TSHZ2: variants seen among roughly 807,000 people sequenced by gnomAD.
TSHZ2 encodes teashirt zinc finger homeobox 2, also known as teashirt homolog 2.
In TSHZ2, 21 loss-of-function variants were observed where a neutral mutation model predicts 74.4. The observed-to-expected ratio is 0.28, with a 90% CI of 0.20 to 0.41. The LOEUF (loss-of-function observed/expected upper bound fraction) is 0.41, where lower values mean the gene tolerates loss of function less well. Ranked by LOEUF, TSHZ2 falls within the 10% of genes least tolerant of loss-of-function variation. The probability of loss-of-function intolerance (pLI) is 1.00; values close to 1 mark genes in which losing one functional copy is unlikely to be tolerated. For synonymous variants in TSHZ2, 540 were observed against 515.3 expected, an observed-to-expected ratio of 1.05 and a Z score of -0.65; for missense variants, 1,244 against 1,293.5, an observed-to-expected ratio of 0.96 and a Z score of 0.59.
At chr20:53,397,131 T>G (rs917011498) in intron 2 of TSHZ2, among the ~76,000 whole-genome samples, 14 of 152,260 alleles carry the variant, frequency 9.2e-5, no homozygotes, top group Admixed American at 8.5e-4. Context: ...AAATGGGATC[T>G]AATTAAACTA....
chr20:53,124,488 C>G (rs1986893745), intron 1 of TSHZ2, among the ~76,000 whole-genome samples: 1 of 152,202 alleles, frequency 6.6e-6, no homozygotes, highest in Admixed American at 6.5e-5. Context: ...TTTTGAAGAG[C>G]TAAATGCAAA....
intron 1 of TSHZ2, among the ~76,000 whole-genome samples, chr20:53,195,040 G>A (rs1988828285): frequency 6.6e-6 from 1 of 152,264 alleles, no homozygotes; most frequent in East Asian, 1.9e-4. Flanking sequence ...CTTCGGGAAG[G>A]TGGGGATTGG....
At chr20:53,311,417 A>G (rs138495900) in intron 2 of TSHZ2, among the ~76,000 whole-genome samples, 1 of 152,386 alleles carries the variant, frequency 6.6e-6, no homozygotes, top group African/African-American at 2.4e-5. Flanking sequence ...TAAAGCATCT[A>G]GCCTCCAGAG....
At chr20:53,050,250 T>C (rs1984413233) in intron 1 of TSHZ2, among the ~76,000 whole-genome samples, 1 of 150,438 alleles carries the variant, frequency 6.6e-6, no homozygotes, top group Non-Finnish European at 1.5e-5. Flanking sequence ...AAAAAGTGTT[T>C]TGTGATTGGT....
At chr20:53,229,784 AGGAG>A (rs1302378835) in intron 1 of TSHZ2, among the ~76,000 whole-genome samples, 5 of 141,130 alleles carry the variant, frequency 3.5e-5, no homozygotes, top group South Asian at 2.6e-4. Context: ...GGAGAGAGGG[AGGAG>A]GGAGGGAGGG....
intron 1 of TSHZ2, 135 bp downstream of exon 1, chr20:52,973,468 C>A: frequency 8.7e-7 from 1 of 1,145,938 alleles, no homozygotes; most frequent in Non-Finnish European, 1.2e-6. Context: ...TTCTAATAAC[C>A]CCGTCCTCTC....
Position 53,028,596 on chromosome 20 carries a change from C to T in TSHZ2, c.40+55263C>T, listed in dbSNP as rs117945665. On this transcript the variant is annotated intron_variant, in intron 1 of 2. Transcript: ENST00000371497. ...TTGGTTAGTCACTTTCATTCAATGT[C>T]ATGCTTTTTGGCGGAGGTGGTGCCT... Among the ~76,000 whole-genome samples, 171 of 152,304 alleles carry T rather than the reference C, an allele frequency of 1.1e-3. 3 individuals carry two copies. In the East Asian group the frequency reaches 0.031, roughly 28 times the overall value.
chr20:53,111,653 A>C (rs141348570), intron 1 of TSHZ2, among the ~76,000 whole-genome samples: 313 of 152,292 alleles, frequency 2.1e-3, no homozygotes, highest in Non-Finnish European at 3.4e-3. Context: ...CAGTGACTCC[A>C]CCAGGGTTGA....
chr20:53,132,641 CCT>C (rs1362773596), intron 1 of TSHZ2, among the ~76,000 whole-genome samples: 3 of 151,850 alleles, frequency 2.0e-5, no homozygotes, highest in African/African-American at 4.8e-5. Flanking sequence ...CAAAGGTCCC[CCT>C]CTCTTTCTCT....
At chr20:53,370,930 GA>G (rs1202228355) in intron 2 of TSHZ2, among the ~76,000 whole-genome samples, 1 of 152,190 alleles carries the variant, frequency 6.6e-6, no homozygotes, top group Non-Finnish European at 1.5e-5. Context: ...CTGGAGGTTG[GA>G]AATCAAGGTG....
In TSHZ2 at chr20:53,433,584, GACACACACACACACACAC is replaced by G. The variant is rs59162370; in HGVS notation, c.*9-53538_*9-53521del. 1.6e-4 allele frequency among the ~76,000 whole-genome samples: 22 copies of G among 137,158 alleles called. No homozygotes were observed. The South Asian group carries it at 4.3e-3, about 27-fold the overall frequency. The allele number at this position is 137,158 out of a possible 152,430, so 90.0% of individuals were successfully genotyped here. ...ACCAACACAGACACACAGACACACAGACACACACACACACACACACACACACACACACACACACAGAAT... is the reference window on the plus strand; with the variant it reads ...ACCAACACAGACACACAGACACACAGACACACACACACACACACACAGAAT... On this transcript the variant is annotated intron_variant, in intron 2 of 2. Transcript: ENST00000371497.
At chr20:53,003,153 G>A (rs928864109) in intron 1 of TSHZ2, among the ~76,000 whole-genome samples, 1 of 152,020 alleles carries the variant, frequency 6.6e-6, no homozygotes, top group African/African-American at 2.4e-5. Context: ...ATGAAATTTA[G>A]TTCACCGTCC....
At chr20:53,022,256 T>A (rs1222932012) in intron 1 of TSHZ2, among the ~76,000 whole-genome samples, 2 of 152,094 alleles carry the variant, frequency 1.3e-5, no homozygotes, top group Non-Finnish European at 2.9e-5. Flanking sequence ...TATCGTGGAG[T>A]CCCTTACATA....
At position 53,182,684 on chromosome 20, in the gene TSHZ2, T is replaced by G. The variant is rs112222978; in HGVS notation, c.41-70815T>G. 9.8e-4 allele frequency among the ~76,000 whole-genome samples: 150 copies of G among 152,334 alleles called. 1 individual carries two copies. Among genetic ancestry groups the G allele is most frequent in the African/African-American group, 2.6e-3 (107 of 41,580 alleles). On this transcript the variant is annotated intron_variant, in intron 1 of 2. Coordinates refer to ENST00000371497, the MANE Select transcript of TSHZ2 (RefSeq NM_173485.6). ...CTCTCTTTCCCTTTGATAAACGTGC[T>G]CAGAGTAAAAAACAACCAACTACCA... is the stretch of plus-strand genomic sequence containing the variant.
intron 2 of TSHZ2, among the ~76,000 whole-genome samples, chr20:53,337,782 A>C (rs573630542): frequency 6.6e-6 from 1 of 152,362 alleles, no homozygotes; most frequent in East Asian, 1.9e-4. Flanking sequence ...GTAGGGCTAT[A>C]AAATGCCTTT....
At chr20:53,354,870 T>C (rs1478352200) in intron 2 of TSHZ2, among the ~76,000 whole-genome samples, 2 of 152,234 alleles carry the variant, frequency 1.3e-5, no homozygotes, top group Non-Finnish European at 2.9e-5. Context: ...GACCTTTTCC[T>C]CAAGTCTTAC....
intron 2 of TSHZ2, among the ~76,000 whole-genome samples, chr20:53,468,970 C>T (rs550168694): frequency 8.4e-4 from 122 of 144,862 alleles, no homozygotes; most frequent in Non-Finnish European, 1.1e-3. Flanking sequence ...TGAATGGTCT[C>T]ATCAGTACAG....
At chr20:53,025,977 G>T (rs1051009718) in intron 1 of TSHZ2, among the ~76,000 whole-genome samples, 9 of 152,198 alleles carry the variant, frequency 5.9e-5, no homozygotes, top group Non-Finnish European at 1.3e-4. Flanking sequence ...CGTTAGGATT[G>T]CAGGAGGCTG....
intron 1 of TSHZ2, among the ~76,000 whole-genome samples, chr20:53,038,016 T>C (rs1240886808): frequency 6.6e-6 from 1 of 151,786 alleles, no homozygotes; most frequent in Non-Finnish European, 1.5e-5. Context: ...GCTCCAAGCT[T>C]GGACAGCGTG....
Sources: allele counts gnomAD v4.1 joint callset (sites outside exome capture counted in the v4.1 genomes callset), GRCh38; gene constraint gnomAD v4.1.1; transcripts MANE v1.5; gene names NCBI Gene and HGNC (gene_info 2026-07-23, HGNC 2026-07-21).